Variants in SAMHD1 observed in about 807,000 individuals in gnomAD.
SAMHD1 encodes the protein deoxynucleoside triphosphate triphosphohydrolase SAMHD1.
SAMHD1 carries 54 observed loss-of-function variants against 79.6 expected under a neutral mutation model. That is an observed-to-expected ratio of 0.68 (90% confidence interval 0.55 to 0.85). The LOEUF (loss-of-function observed/expected upper bound fraction) is 0.85. SAMHD1 is among the 40% of genes least tolerant of loss of function. The probability of loss-of-function intolerance (pLI) is 0.00; values close to 1 mark genes in which losing one functional copy is unlikely to be tolerated. For missense variants in SAMHD1, 663 were observed against 782.7 expected, an observed-to-expected ratio of 0.85 and a Z score of 1.82; for synonymous variants, 260 against 264.1, an observed-to-expected ratio of 0.98 and a Z score of 0.15.
chr20:36,946,113 T>C (rs936272736), intron 2 of SAMHD1, among the ~76,000 whole-genome samples: 1 of 151,760 alleles, frequency 6.6e-6, no homozygotes, highest in Non-Finnish European at 1.5e-5. Context: ...TGAAACCCCA[T>C]CTCTACTAAA....
chr20:36,900,762 C>T (rs1990290210), intron 13 of SAMHD1, among the ~76,000 whole-genome samples: 1 of 149,538 alleles, frequency 6.7e-6, no homozygotes, highest in South Asian at 2.1e-4. Flanking sequence ...TTAGTAGAGA[C>T]AGGGTTTCAC....
At chr20:36,907,887 T>A (rs2063414370) in intron 11 of SAMHD1, among the ~76,000 whole-genome samples, 1 of 152,078 alleles carries the variant, frequency 6.6e-6, no homozygotes, top group African/African-American at 2.4e-5. Context: ...TTATTTATTT[T>A]ATTTTTGAGA....
chr20:36,928,379 A>C (rs993931462), intron 5 of SAMHD1, among the ~76,000 whole-genome samples: 10 of 148,470 alleles, frequency 6.7e-5, no homozygotes, highest in African/African-American at 2.5e-4. Context: ...ACAGAGCAAG[A>C]CTCCATCTCA....
intron 10 of SAMHD1, 141 bp from the exon 11 acceptor site, chr20:36,911,474 C>A: frequency 1.5e-6 from 1 of 658,024 alleles, no homozygotes; most frequent in Non-Finnish European, 2.7e-6. Context: ...CTCCACCGTA[C>A]TAAATTTGTG....
chr20:36,893,161 T>G (rs1057261870), intron 15 of SAMHD1, 95 bp from the exon 16 acceptor site: 30 of 1,470,578 alleles, frequency 2.0e-5, no homozygotes, highest in Non-Finnish European at 2.8e-5. Flanking sequence ...CATCCTCATC[T>G]TGCATATAGA....
intron 4 of SAMHD1, among the ~76,000 whole-genome samples, chr20:36,934,027 C>T (rs1437683992): frequency 4.0e-5 from 6 of 149,834 alleles, no homozygotes; most frequent in African/African-American, 1.5e-4. Context: ...GCCTGGGCGA[C>T]GGAGTGAGAC....
chr20:36,937,856 G>GTTTTTTTTTTT (rs761389071), intron 3 of SAMHD1, among the ~76,000 whole-genome samples: 1 of 119,152 alleles, frequency 8.4e-6, no homozygotes. Flanking sequence ...AACAATGTTG[G>GTTTTTTTTTTT]TTTGTTTTTT....
intron 9 of SAMHD1, among the ~76,000 whole-genome samples, chr20:36,916,134 C>A (rs1257760196): frequency 6.6e-6 from 1 of 151,350 alleles, no homozygotes; most frequent in Non-Finnish European, 1.5e-5. Context: ...GCACTCCAGC[C>A]TGGGTGACTG....
rs747371346 is a variant in SAMHD1, at chr20:36,941,109, G to A, written c.278C>T (p.Ser93Phe). ...AAGCAGCTTCTTCCTCTCCCCCAAG[G>A]AACTAAAATTACAATAGGATAAGCA... ...ESRFENLGVS[S>F]LGERKKLLSY... Residue 93 changes from serine to phenylalanine, a missense_variant and splice_region_variant, in exon 3 of 16, where the codon TCC (serine) becomes TTC (phenylalanine). Physicochemically the swap from Ser to Phe is radical, Grantham distance 155 (BLOSUM62 -2). Transcript: ENST00000646673. 31 of 1,608,316 alleles carry A rather than the reference G, an allele frequency of 1.9e-5. No homozygotes were observed. The highest frequency in any genetic ancestry group is 1.7e-6 in the Non-Finnish European group (2 of 1,175,280).
chr20:36,917,156 C>G (rs2063481241), intron 7 of SAMHD1, 107 bp from the exon 8 acceptor site: 1 of 731,434 alleles, frequency 1.4e-6, no homozygotes, highest in Non-Finnish European at 2.5e-6. Flanking sequence ...AGATACCTGA[C>G]TGGGAATATG....
chr20:36,915,737 C>CAA (rs148641141), intron 9 of SAMHD1, among the ~76,000 whole-genome samples: 1 of 120,422 alleles, frequency 8.3e-6, no homozygotes, highest in South Asian at 2.6e-4. Flanking sequence ...ACTCCATCTC[C>CAA]AAAAAAAAAA....
At chr20:36,937,220 C>T (rs906566011) in intron 3 of SAMHD1, among the ~76,000 whole-genome samples, 1 of 151,836 alleles carries the variant, frequency 6.6e-6, no homozygotes, top group Non-Finnish European at 1.5e-5. Flanking sequence ...TCCCTCTTCA[C>T]CATTACACAA....
At chr20:36,930,320 A>G (rs942893959) in intron 5 of SAMHD1, among the ~76,000 whole-genome samples, 2 of 151,744 alleles carry the variant, frequency 1.3e-5, no homozygotes, top group Admixed American at 6.6e-5. Flanking sequence ...ACATGGTGAA[A>G]CCCCGTCTCT....
chr20:36,943,148 T>C (rs1433002108), intron 2 of SAMHD1, among the ~76,000 whole-genome samples: 1 of 151,974 alleles, frequency 6.6e-6, no homozygotes, highest in Non-Finnish European at 1.5e-5. Context: ...AATAGGAAAT[T>C]AGGTAAAAAC....
intron 3 of SAMHD1, among the ~76,000 whole-genome samples, chr20:36,939,914 G>T (rs576586525): frequency 2.0e-5 from 3 of 152,090 alleles, no homozygotes; most frequent in Non-Finnish European, 4.4e-5. Flanking sequence ...TGTGAAAAAT[G>T]CACATTCTGG....
At chr20:36,950,697 G>C (rs923733087) in intron 1 of SAMHD1, among the ~76,000 whole-genome samples, 1 of 152,174 alleles carries the variant, frequency 6.6e-6, no homozygotes, top group Admixed American at 6.5e-5. Context: ...ACAACCCCAA[G>C]GTTCAGATTT....
At chr20:36,899,211 G>GACC in intron 13 of SAMHD1, among the ~76,000 whole-genome samples, 1 of 147,210 alleles carries the variant, frequency 6.8e-6, no homozygotes, top group East Asian at 2.0e-4. Flanking sequence ...AGGAGTTCGA[G>GACC]ACCACCCTGG....
At chr20:36,902,153 G>A (rs1990317574) in intron 13 of SAMHD1, among the ~76,000 whole-genome samples, 1 of 152,062 alleles carries the variant, frequency 6.6e-6, no homozygotes, top group Non-Finnish European at 1.5e-5. Context: ...AGAGGAGGGA[G>A]GACAGTTTGA....
intron 1 of SAMHD1, among the ~76,000 whole-genome samples, chr20:36,949,238 T>G (rs946907867): frequency 5.3e-5 from 8 of 151,212 alleles, no homozygotes; most frequent in Admixed American, 5.3e-4. Context: ...CACTTCAGCC[T>G]GCGTGACAGA....
Sources: allele counts gnomAD v4.1 joint callset (sites outside exome capture counted in the v4.1 genomes callset), GRCh38; gene constraint gnomAD v4.1.1; transcripts MANE v1.5; gene names NCBI Gene and HGNC (gene_info 2026-07-23, HGNC 2026-07-21).